ZNF438: variants seen among roughly 807,000 people sequenced by gnomAD.
ZNF438 encodes the protein zinc finger protein 438.
In ZNF438, 25 loss-of-function variants were observed where a neutral mutation model predicts 38.0. The observed-to-expected ratio is 0.66, with a 90% CI of 0.48 to 0.92. The LOEUF (loss-of-function observed/expected upper bound fraction) is 0.92. ZNF438 is among the 40% of genes least tolerant of loss of function. ZNF438 has a pLI of 0.00. For synonymous variants in ZNF438, 372 were observed against 364.1 expected, an observed-to-expected ratio of 1.02 and a Z score of -0.25; for missense variants, 1,007 against 999.6, an observed-to-expected ratio of 1.01 and a Z score of -0.10.
At chr10:30,852,780 G>C (rs2033905156) in intron 4 of ZNF438, among the ~76,000 whole-genome samples, 1 of 152,210 alleles carries the variant, frequency 6.6e-6, no homozygotes. Flanking sequence ...AGATAATTAT[G>C]TTATTTGTTG....
intron 1 of ZNF438, among the ~76,000 whole-genome samples, chr10:30,968,362 C>T (rs549490391): frequency 1.3e-5 from 2 of 151,658 alleles, no homozygotes; most frequent in East Asian, 1.9e-4. Context: ...CTACTCCATC[C>T]TTTATCTACT....
intron 4 of ZNF438, among the ~76,000 whole-genome samples, chr10:30,871,076 G>GA (rs2037335009): frequency 6.6e-6 from 1 of 152,154 alleles, no homozygotes; most frequent in South Asian, 2.1e-4. Flanking sequence ...TACCATGTTC[G>GA]AAAGAGTGAA....
intron 2 of ZNF438, among the ~76,000 whole-genome samples, chr10:30,914,744 C>G (rs2043423287): frequency 6.6e-6 from 1 of 151,812 alleles, no homozygotes; most frequent in African/African-American, 2.4e-5. Context: ...CATGTTCTAC[C>G]TTTGTTGCTG....
chr10:30,927,289 A>G (rs2045065601), intron 2 of ZNF438, among the ~76,000 whole-genome samples: 1 of 152,222 alleles, frequency 6.6e-6, no homozygotes, highest in Non-Finnish European at 1.5e-5. Flanking sequence ...CCTTAAAACA[A>G]TGCTCAAGCT....
chr10:30,849,669 T>A lies in ZNF438; in HGVS notation c.736A>T (p.Ile246Leu), dbSNP rs370843728. The change falls in exon 5 of 6, where the codon ATA (isoleucine) becomes TTA (leucine). Residue 246 changes from isoleucine (I) to leucine (L), a missense_variant. Transcript: ENST00000413025. ...ACAGCAGAAGGTTTACTAGATGTTA[T>A]CTTGCTTACAAAGTGTGCTTTCCCT... The A allele has an allele frequency of 1.2e-6, 2 of 1,614,216 alleles. No homozygotes were observed. Among genetic ancestry groups the A allele is most frequent in the East Asian group, 2.2e-5 (1 of 44,886 alleles).
chr10:30,965,329 G>C (rs1052761175), intron 1 of ZNF438, among the ~76,000 whole-genome samples: 2 of 152,170 alleles, frequency 1.3e-5, no homozygotes, highest in Admixed American at 6.5e-5. Flanking sequence ...CTTATACACT[G>C]CTGGTGGGAA....
intron 1 of ZNF438, among the ~76,000 whole-genome samples, chr10:31,016,148 T>C (rs1214388940): frequency 1.3e-5 from 2 of 151,970 alleles, no homozygotes; most frequent in African/African-American, 4.8e-5. Context: ...AGAAAGAAAA[T>C]AGATATCACA....
chr10:30,855,435 A>G (rs2034451806), intron 4 of ZNF438, among the ~76,000 whole-genome samples: 1 of 152,230 alleles, frequency 6.6e-6, no homozygotes, highest in Non-Finnish European at 1.5e-5. Context: ...GTGAAAAGAT[A>G]AGGTCTTGTT....
At chr10:30,943,422 G>GA (rs1198026648) in intron 1 of ZNF438, among the ~76,000 whole-genome samples, 5 of 151,880 alleles carry the variant, frequency 3.3e-5, no homozygotes, top group Non-Finnish European at 5.9e-5. Flanking sequence ...CATATGAATG[G>GA]AAAAAATACT....
intron 1 of ZNF438, among the ~76,000 whole-genome samples, chr10:30,982,860 G>C (rs936821547): frequency 2.0e-5 from 3 of 152,100 alleles, no homozygotes; most frequent in Non-Finnish European, 4.4e-5. Flanking sequence ...TCTATTATCT[G>C]ACAGCAATAG....
intron 1 of ZNF438, among the ~76,000 whole-genome samples, chr10:30,955,287 G>A (rs547253223): frequency 2.2e-4 from 33 of 152,266 alleles, no homozygotes; most frequent in Admixed American, 1.8e-3. Flanking sequence ...ACCAGATAGT[G>A]GACTGTGGTG....
intron 4 of ZNF438, 129 bp downstream of exon 5, chr10:30,876,869 A>T (rs895043752): frequency 1.7e-6 from 1 of 599,742 alleles, no homozygotes; most frequent in African/African-American, 1.9e-5. Flanking sequence ...GAGTTTTCAT[A>T]TATAATTATA....
At chr10:30,900,387 A>G (rs2041842791) in intron 3 of ZNF438, among the ~76,000 whole-genome samples, 1 of 152,150 alleles carries the variant, frequency 6.6e-6, no homozygotes, top group African/African-American at 2.4e-5. Context: ...CTCCACCAAA[A>G]TAGCCCAAAT....
chr10:30,994,451 C>T (rs1280248070), intron 1 of ZNF438, among the ~76,000 whole-genome samples: 1 of 152,134 alleles, frequency 6.6e-6, no homozygotes, highest in Non-Finnish European at 1.5e-5. Context: ...GGTAGGCTAG[C>T]TATCACAAGA....
At chr10:31,003,191 AATG>A (rs1267239765) in intron 1 of ZNF438, among the ~76,000 whole-genome samples, 1 of 151,872 alleles carries the variant, frequency 6.6e-6, no homozygotes, top group Non-Finnish European at 1.5e-5. Context: ...TCCCATCCCA[AATG>A]CCGATAGCCA....
chr10:31,002,096 C>T (rs906358962), intron 1 of ZNF438, among the ~76,000 whole-genome samples: 2 of 152,188 alleles, frequency 1.3e-5, no homozygotes, highest in African/African-American at 4.8e-5. Context: ...CTGGGAGTAG[C>T]ACAAGAAACA....
intron 2 of ZNF438, among the ~76,000 whole-genome samples, chr10:30,913,398 A>G (rs1460364354): frequency 1.3e-5 from 2 of 151,904 alleles, no homozygotes; most frequent in East Asian, 3.9e-4. Context: ...GTCTTTGCCC[A>G]TGCCCTTTCT....
At chr10:30,969,745 T>C (rs1417493589) in intron 1 of ZNF438, among the ~76,000 whole-genome samples, 2 of 152,082 alleles carry the variant, frequency 1.3e-5, no homozygotes, top group Non-Finnish European at 2.9e-5. Flanking sequence ...CTATTAAACA[T>C]AAAAACCTCA....
intron 4 of ZNF438, among the ~76,000 whole-genome samples, chr10:30,866,972 C>T (rs1230333866): frequency 6.6e-6 from 1 of 152,216 alleles, no homozygotes; most frequent in Non-Finnish European, 1.5e-5. Flanking sequence ...TTTAACGTTA[C>T]ATGCGTGGAT....
Sources: allele counts gnomAD v4.1 joint callset (sites outside exome capture counted in the v4.1 genomes callset), GRCh38; gene constraint gnomAD v4.1.1; transcripts MANE v1.5; gene names NCBI Gene and HGNC (gene_info 2026-07-23, HGNC 2026-07-21).